SHISA9: variants seen among roughly 807,000 people sequenced by gnomAD.
SHISA9 encodes the protein shisa family member 9.
In SHISA9, 13 loss-of-function variants were observed where a neutral mutation model predicts 38.0. That is an observed-to-expected ratio of 0.34 (90% CI 0.22 to 0.54). The LOEUF (loss-of-function observed/expected upper bound fraction) is 0.54. Ranked by LOEUF, SHISA9 falls within the 20% of genes least tolerant of loss-of-function variation. SHISA9 has a pLI of 0.91. For synonymous variants in SHISA9, 275 were observed against 242.0 expected, an observed-to-expected ratio of 1.14 and a Z score of -1.27; for missense variants, 538 against 575.8, an observed-to-expected ratio of 0.93 and a Z score of 0.67.
intron 2 of SHISA9, among the ~76,000 whole-genome samples, chr16:13,018,905 A>G (rs778230488): frequency 5.9e-5 from 9 of 152,240 alleles, no homozygotes; most frequent in Non-Finnish European, 1.2e-4. Flanking sequence ...GCCTTGACCT[A>G]CAAAGTGCAA....
At chr16:12,934,854 C>T (rs1298629730) in intron 2 of SHISA9, among the ~76,000 whole-genome samples, 3 of 152,110 alleles carry the variant, frequency 2.0e-5, no homozygotes, top group African/African-American at 7.2e-5. Flanking sequence ...AAAGTCAATT[C>T]TTCTTCAGAC....
the SHISA9 span, among the ~76,000 whole-genome samples, chr16:13,424,073 C>T: frequency 1.5e-4 from 23 of 152,286 alleles, no homozygotes; most frequent in African/African-American, 5.1e-4. Flanking sequence ...AAGCCATATC[C>T]AATCCCATTC....
At chr16:12,917,346 G>C (rs2071271676) in intron 2 of SHISA9, among the ~76,000 whole-genome samples, 1 of 152,114 alleles carries the variant, frequency 6.6e-6, no homozygotes, top group Non-Finnish European at 1.5e-5. Flanking sequence ...AGAATATTCC[G>C]TGTGTAGGGG....
At chr16:13,125,020 A>G (rs943024454) in intron 2 of SHISA9, among the ~76,000 whole-genome samples, 1 of 152,204 alleles carries the variant, frequency 6.6e-6, no homozygotes, top group African/African-American at 2.4e-5. Context: ...AATGACTACA[A>G]AAACATGAGA....
chr16:13,093,275 A>G (rs959650381), intron 2 of SHISA9, among the ~76,000 whole-genome samples: 6 of 152,204 alleles, frequency 3.9e-5, no homozygotes, highest in African/African-American at 1.4e-4. Flanking sequence ...CCTGCCTGTC[A>G]CTATAACTGT....
At chr16:12,970,396 TATATATACATATATATATATACAC>T (rs2072050175) in intron 2 of SHISA9, among the ~76,000 whole-genome samples, 1 of 5,294 alleles carries the variant, frequency 1.9e-4, no homozygotes, top group Non-Finnish European at 3.9e-4. Flanking sequence ...TATGTATATA[TATATATACATATATATATATACAC>T]ATATATGTAT....
intron 2 of SHISA9, among the ~76,000 whole-genome samples, chr16:13,003,466 A>C (rs1468371461): frequency 6.6e-6 from 1 of 152,182 alleles, no homozygotes; most frequent in African/African-American, 2.4e-5. Flanking sequence ...TGTTTTGGCC[A>C]TGTGCAAAAA....
chr16:13,445,300 G>C, the SHISA9 span, among the ~76,000 whole-genome samples: 1 of 152,084 alleles, frequency 6.6e-6, no homozygotes, highest in African/African-American at 2.4e-5. Context: ...CACAATCTCA[G>C]CACAAAGGAG....
chr16:13,131,081 A>C (rs2141987062), intron 2 of SHISA9, among the ~76,000 whole-genome samples: 1 of 148,476 alleles, frequency 6.7e-6, no homozygotes, highest in Non-Finnish European at 1.5e-5. Flanking sequence ...AGAAGCAGAA[A>C]TACCATTTGA....
chr16:12,944,485 C>T (rs2071663849), intron 2 of SHISA9, among the ~76,000 whole-genome samples: 1 of 152,074 alleles, frequency 6.6e-6, no homozygotes, highest in Non-Finnish European at 1.5e-5. Context: ...GATTATTCTG[C>T]TTTTTTTGTT....
intron 2 of SHISA9, among the ~76,000 whole-genome samples, chr16:13,054,293 G>A (rs1190540314): frequency 6.6e-6 from 1 of 152,154 alleles, no homozygotes; most frequent in Non-Finnish European, 1.5e-5. Context: ...GGATGCAAAG[G>A]TGAAATAAGA....
At chr16:13,371,394 C>A in the SHISA9 span, among the ~76,000 whole-genome samples, 4 of 152,148 alleles carry the variant, frequency 2.6e-5, no homozygotes, top group Non-Finnish European at 5.9e-5. Context: ...GTCTGAGATC[C>A]TCCAAACGAC....
the SHISA9 span, among the ~76,000 whole-genome samples, chr16:13,247,732 G>T: frequency 1.3e-5 from 2 of 152,162 alleles, no homozygotes; most frequent in Non-Finnish European, 2.9e-5. Context: ...AAATGTCATG[G>T]TTGCTAGAAA....
chr16:13,053,526 G>T (rs1255537153), intron 2 of SHISA9, among the ~76,000 whole-genome samples: 1 of 152,080 alleles, frequency 6.6e-6, no homozygotes, highest in Non-Finnish European at 1.5e-5. Context: ...TTCAATTATG[G>T]TGCCCTTCCA....
At chr16:13,268,071 C>T in the SHISA9 span, among the ~76,000 whole-genome samples, 2,990 of 152,082 alleles carry the variant, frequency 0.02, 108 homozygotes, top group African/African-American at 0.068. Flanking sequence ...CTTCTAGGAC[C>T]TCATCCCTTA....
chr16:12,995,352 C>G (rs1048413112), intron 2 of SHISA9, among the ~76,000 whole-genome samples: 1 of 152,146 alleles, frequency 6.6e-6, no homozygotes, highest in Admixed American at 6.5e-5. Flanking sequence ...TGGGCTGGTA[C>G]TTCTTGAACT....
the SHISA9 span, among the ~76,000 whole-genome samples, chr16:13,264,820 CA>C: frequency 6.6e-6 from 1 of 152,094 alleles, no homozygotes; most frequent in African/African-American, 2.4e-5. Flanking sequence ...TTTGTCTTCC[CA>C]AAGAGAGAAA....
chr16:13,508,592 T>C, the SHISA9 span, among the ~76,000 whole-genome samples: 1 of 152,170 alleles, frequency 6.6e-6, no homozygotes, highest in Non-Finnish European at 1.5e-5. Context: ...CTTAAACACA[T>C]GTCAGAGATG....
chr16:13,083,008 C>T (rs60037556), intron 2 of SHISA9, among the ~76,000 whole-genome samples: 3,172 of 152,270 alleles, frequency 0.021, 50 homozygotes, highest in Admixed American at 0.047. Flanking sequence ...AGTTTTGCCC[C>T]ATTAGCAGCC....
Sources: gnomAD v4.1 joint callset for allele counts (sites outside exome capture counted in the v4.1 genomes callset) on GRCh38, gnomAD v4.1.1 for gene constraint, MANE v1.5 for transcripts, NCBI Gene and HGNC (gene_info 2026-07-23, HGNC 2026-07-21) for gene names.